Variants in ABI3BP observed in about 807,000 individuals in gnomAD.
ABI3BP encodes the protein target of Nesh-SH3.
ABI3BP carries 216 observed loss-of-function variants against 268.6 expected under a neutral mutation model. The ratio of observed to expected loss-of-function variants is 0.80; its 90% CI spans 0.72 to 0.90. The LOEUF (loss-of-function observed/expected upper bound fraction) is 0.90. ABI3BP is among the 40% of genes least tolerant of loss of function. The pLI is 0.00. For synonymous variants in ABI3BP, 730 were observed against 730.0 expected (o/e 1.00, Z 0.00); for missense variants, 2,090 against 2,182.4 (o/e 0.96, Z 0.84).
At chr3:100,780,381 C>G (rs1255745179) in intron 57 of ABI3BP, among the ~76,000 whole-genome samples, 172 bp from the exon 58 acceptor site, 2 of 152,064 alleles carry the variant, frequency 1.3e-5, no homozygotes, top group African/African-American at 2.4e-5. Flanking sequence ...AATAAAAACC[C>G]TACATTCACT....
At chr3:100,831,286 AAG>A (rs1351176495) in intron 31 of ABI3BP, among the ~76,000 whole-genome samples, 1 of 152,004 alleles carries the variant, frequency 6.6e-6, no homozygotes, top group African/African-American at 2.4e-5. Flanking sequence ...CAGGGAGGGA[AAG>A]AGAGAGGATG....
chr3:100,862,495 A>G, intron 13 of ABI3BP, 110 bp from the exon 14 acceptor site: 1 of 679,736 alleles, frequency 1.5e-6, no homozygotes, highest in East Asian at 2.7e-5. Context: ...AGCCTGCAGT[A>G]TACCAATACA....
At chr3:100,780,605 TA>T (rs142655332) in intron 57 of ABI3BP, among the ~76,000 whole-genome samples, 52 of 151,936 alleles carry the variant, frequency 3.4e-4, no homozygotes, top group Admixed American at 3.3e-4. Context: ...CTATGCCCAT[TA>T]AAAAAAACCC....
At chr3:100,846,934 C>A (rs1336107735) in intron 19 of ABI3BP, among the ~76,000 whole-genome samples, 1 of 152,116 alleles carries the variant, frequency 6.6e-6, no homozygotes, top group Non-Finnish European at 1.5e-5. Context: ...CAACCCCTCA[C>A]CTAGGTATTA....
At chr3:100,801,539 C>T (rs1319286168) in intron 51 of ABI3BP, among the ~76,000 whole-genome samples, 2 of 151,572 alleles carry the variant, frequency 1.3e-5, no homozygotes. Context: ...AAGAGGAAGG[C>T]ACTGAGTCAC....
chr3:100,913,537 G>A (rs2057527425), intron 2 of ABI3BP, among the ~76,000 whole-genome samples: 1 of 152,154 alleles, frequency 6.6e-6, no homozygotes, highest in Non-Finnish European at 1.5e-5. Context: ...CCTGCTGTCT[G>A]CTTGGGCATG....
At position 100,875,538 on chromosome 3, in the gene ABI3BP, C is replaced by G. The variant is rs1416383978; in HGVS notation, c.787G>C (p.Glu263Gln). 6.2e-7 allele frequency: 1 copy of G among 1,613,464 alleles called. No individual in the cohort carries two copies. The highest frequency in any genetic ancestry group is 8.5e-7 in the Non-Finnish European group (1 of 1,179,424). ...ATCACTCCTCCCAGTGGAGCTTTTTCTGGGGATTTAGCTGAATCCTTGTGA... is the reference window on the plus strand; with the variant it reads ...ATCACTCCTCCCAGTGGAGCTTTTTGTGGGGATTTAGCTGAATCCTTGTGA... ...VTHKDSAKSP[E>Q]KAPLGGVILV... is the part of the protein sequence containing the mutation. The change falls in exon 8 of 68, where the codon GAA becomes CAA. Residue 263 changes from glutamate to glutamine, a missense_variant. Coordinates refer to ENST00000471714, the MANE Select transcript of ABI3BP (RefSeq NM_001375547.2).
rs116590004 is a variant in ABI3BP at position 100,750,771 on chromosome 3, G to T, written c.5246-161C>A. Among the ~76,000 whole-genome samples the T allele has an allele frequency of 5.9e-3, 891 of 152,214 alleles. 8 individuals carry two copies. Among genetic ancestry groups the T allele is most frequent in the African/African-American group, 0.02 (834 of 41,532 alleles). On this transcript the variant is annotated intron_variant, in intron 67 of 67. Coordinates refer to ENST00000471714, the MANE Select transcript of ABI3BP (RefSeq NM_001375547.2). The stretch of plus-strand genomic sequence containing the variant: ...AGAAGTTCTGGTGTTTTTTCCTGAG[G>T]TGTAGTCATGGTTGGCTAAAATGGG...
At chr3:100,804,910 C>T in intron 50 of ABI3BP, 44 bp from the exon 51 acceptor site, 1 of 1,496,692 alleles carries the variant, frequency 6.7e-7, no homozygotes, top group Non-Finnish European at 9.3e-7. Context: ...GTTTCAGCAT[C>T]TTCCAGTCAT....
chr3:100,975,203 C>A (rs1422804286), intron 1 of ABI3BP, among the ~76,000 whole-genome samples: 2 of 151,720 alleles, frequency 1.3e-5, no homozygotes, highest in Non-Finnish European at 2.9e-5. Flanking sequence ...TTGCAAAAAT[C>A]AAAAATGTTT....
intron 55 of ABI3BP, among the ~76,000 whole-genome samples, chr3:100,790,337 C>T (rs762729108): frequency 1.3e-5 from 2 of 151,950 alleles, no homozygotes; most frequent in Admixed American, 6.6e-5. Context: ...TCCCCACTTC[C>T]CTATCACATA....
chr3:100,884,903 T>TA (rs1286256664), intron 6 of ABI3BP, among the ~76,000 whole-genome samples: 2 of 152,114 alleles, frequency 1.3e-5, no homozygotes, highest in Non-Finnish European at 1.5e-5. Flanking sequence ...AACAGTGACT[T>TA]ACAGTCATCC....
intron 2 of ABI3BP, among the ~76,000 whole-genome samples, chr3:100,921,516 A>G (rs570053074): frequency 4.2e-5 from 6 of 144,290 alleles, no homozygotes; most frequent in African/African-American, 1.5e-4. Flanking sequence ...TGATGTGAGT[A>G]AAAAAAAAAA....
chr3:100,772,143 A>G (rs185275583), intron 61 of ABI3BP, among the ~76,000 whole-genome samples: 20 of 152,340 alleles, frequency 1.3e-4, no homozygotes, highest in African/African-American at 4.1e-4. Flanking sequence ...TTAGAATTTA[A>G]TAAGTAGTGA....
intron 1 of ABI3BP, among the ~76,000 whole-genome samples, chr3:100,950,451 G>A (rs765114062): frequency 1.3e-5 from 2 of 152,026 alleles, no homozygotes; most frequent in African/African-American, 2.4e-5. Flanking sequence ...TAATTCAGAG[G>A]AGCACTGACT....
intron 1 of ABI3BP, among the ~76,000 whole-genome samples, chr3:100,960,302 A>T (rs2078573186): frequency 6.6e-6 from 1 of 152,238 alleles, no homozygotes; most frequent in Non-Finnish European, 1.5e-5. Flanking sequence ...GTAATTGGAA[A>T]CTCGGAAGAC....
chr3:100,919,966 T>G (rs1318503575), intron 2 of ABI3BP, among the ~76,000 whole-genome samples: 2 of 152,198 alleles, frequency 1.3e-5, no homozygotes, highest in African/African-American at 4.8e-5. Context: ...AATTAAGAGA[T>G]AATAATGACT....
rs1185785656 is a variant in ABI3BP at position 100,823,497 on chromosome 3, C to T, written c.2764G>A (p.Glu922Lys). ...ETKPVPATVL[E>K]PVTLRPEAST... ...GCCTCAGGTCTAAGAGTGACAGGTT[C>T]TAGGACTGTAGCAGGAACTGACCAA... Residue 922 changes from glutamate to lysine, a missense_variant, in exon 37 of 68, where the codon GAA (glutamate) becomes AAA (lysine). Coordinates refer to ENST00000471714, the MANE Select transcript of ABI3BP (RefSeq NM_001375547.2). 1 of 1,534,292 alleles carries T rather than the reference C, an allele frequency of 6.5e-7. No homozygotes were observed. Among genetic ancestry groups the T allele is most frequent in the African/African-American group, 1.4e-5 (1 of 72,944 alleles).
At chr3:100,959,382 C>T (rs568713675) in intron 1 of ABI3BP, among the ~76,000 whole-genome samples, 6 of 145,050 alleles carry the variant, frequency 4.1e-5, no homozygotes, top group South Asian at 2.3e-4. Flanking sequence ...CCCAGCTACT[C>T]GGGAGGCTGA....
Sources: gnomAD v4.1 joint callset for allele counts (sites outside exome capture counted in the v4.1 genomes callset) on GRCh38, gnomAD v4.1.1 for gene constraint, MANE v1.5 for transcripts, NCBI Gene and HGNC (gene_info 2026-07-23, HGNC 2026-07-21) for gene names.